Variants in PCDH15 observed in about 807,000 individuals in gnomAD.
PCDH15 encodes protocadherin related 15.
A neutral mutation model predicts 178.5 loss-of-function variants in PCDH15; 129 were observed. That is an observed-to-expected ratio of 0.72 (90% CI 0.63 to 0.84). PCDH15 has a LOEUF of 0.84. PCDH15 is among the 40% of genes least tolerant of loss of function. The pLI, the probability that PCDH15 is intolerant of heterozygous loss-of-function variation, is 0.00. For missense variants in PCDH15, 2,230 were observed against 2,099.9 expected (o/e 1.06, Z -1.21); for synonymous variants, 800 against 732.0 (o/e 1.09, Z -1.50).
intron 2 of PCDH15, among the ~76,000 whole-genome samples, chr10:55,443,478 G>T (rs764559706): frequency 1.3e-5 from 2 of 152,156 alleles, no homozygotes; most frequent in Non-Finnish European, 2.9e-5. Context: ...CAAAGGTTAT[G>T]AACAGACACT....
chr10:55,428,714 T>G (rs1838815347), intron 2 of PCDH15, among the ~76,000 whole-genome samples: 1 of 151,912 alleles, frequency 6.6e-6, no homozygotes, highest in Non-Finnish European at 1.5e-5. Context: ...TCATTTAAAT[T>G]TAGCATGATT....
At chr10:54,840,893 T>C (rs1953406590) in intron 3 of PCDH15, among the ~76,000 whole-genome samples, 1 of 151,778 alleles carries the variant, frequency 6.6e-6, no homozygotes, top group East Asian at 1.9e-4. Flanking sequence ...ATTGTAAATA[T>C]ATATGCACCC....
At chr10:55,557,278 AT>A (rs1842110149) in intron 2 of PCDH15, among the ~76,000 whole-genome samples, 1 of 152,162 alleles carries the variant, frequency 6.6e-6, no homozygotes, top group Admixed American at 6.6e-5. Flanking sequence ...TTCTTTTATC[AT>A]ATTTTCATAA....
chr10:54,068,579 C>A (rs768596258), intron 17 of PCDH15, among the ~76,000 whole-genome samples: 34 of 152,150 alleles, frequency 2.2e-4, no homozygotes, highest in Non-Finnish European at 4.0e-4. Context: ...ATTTCATGAA[C>A]CTAAGTTTCT....
chr10:53,981,283 A>T (rs988211177), intron 21 of PCDH15, among the ~76,000 whole-genome samples: 1 of 152,216 alleles, frequency 6.6e-6, no homozygotes, highest in African/African-American at 2.4e-5. Flanking sequence ...TGTTAAACAC[A>T]ATATGTTTCG....
Position 54,000,036 on chromosome 10 carries a change from C to A in PCDH15, c.2752-4271G>T, listed in dbSNP as rs532981245. ...TCTGGGAGAGAGCAAGGGAAAAGAA[C>A]AGGAGTTTCTGCCTGGTAATTAAGG... On this transcript the variant is annotated intron_variant, in intron 20 of 37. Coordinates refer to ENST00000644397, the MANE Select transcript of PCDH15 (RefSeq NM_001384140.1). Among the ~76,000 whole-genome samples the A allele has an allele frequency of 8.5e-5, 13 of 152,232 alleles. 1 individual carries two copies. The highest frequency in any genetic ancestry group is 6.2e-4 in the South Asian group (3 of 4,824).
intron 1 of PCDH15, among the ~76,000 whole-genome samples, chr10:54,732,728 TG>T (rs1943579333): frequency 1.3e-5 from 2 of 151,510 alleles, no homozygotes; most frequent in African/African-American, 2.4e-5. Flanking sequence ...GACAAAAACA[TG>T]ATCAAGTAAA....
intron 1 of PCDH15, among the ~76,000 whole-genome samples, chr10:54,728,629 G>C (rs1942914587): frequency 1.3e-5 from 2 of 148,718 alleles, no homozygotes; most frequent in South Asian, 4.1e-4. Flanking sequence ...CATCCAAATA[G>C]AGAGGTATTC....
At chr10:54,617,827 G>A (rs931521935) in intron 2 of PCDH15, among the ~76,000 whole-genome samples, 9 of 150,758 alleles carry the variant, frequency 6.0e-5, no homozygotes, top group African/African-American at 2.0e-4. Context: ...TTGGGAGGCT[G>A]AGGCAGAGAA....
At chr10:54,730,457 C>A (rs1943179732) in intron 1 of PCDH15, among the ~76,000 whole-genome samples, 1 of 151,340 alleles carries the variant, frequency 6.6e-6, no homozygotes, top group African/African-American at 2.4e-5. Context: ...TGCTCATTAC[C>A]CAAGTGATGA....
chr10:55,279,115 CTG>C (rs1226754010), intron 1 of PCDH15, among the ~76,000 whole-genome samples: 1 of 152,126 alleles, frequency 6.6e-6, no homozygotes, highest in African/African-American at 2.4e-5. Flanking sequence ...CCGTTTACAA[CTG>C]TGAAAATCTT....
chr10:54,062,257 A>AAAAAAAAAAAAAAAAAAAAAT (rs2094042936), intron 18 of PCDH15, among the ~76,000 whole-genome samples: 2 of 107,522 alleles, frequency 1.9e-5, no homozygotes, highest in Non-Finnish European at 4.1e-5. Flanking sequence ...AAAAAACAAA[A>AAAAAAAAAAAAAAAAAAAAAT]AACAACTAAA....
chr10:55,250,121 T>C (rs899941983), intron 1 of PCDH15, among the ~76,000 whole-genome samples: 14 of 152,078 alleles, frequency 9.2e-5, no homozygotes, highest in Admixed American at 2.6e-4. Flanking sequence ...ATTAATGGTA[T>C]TTTAACTTAA....
intron 2 of PCDH15, among the ~76,000 whole-genome samples, chr10:55,063,644 A>T (rs1441387762): frequency 6.6e-6 from 1 of 152,138 alleles, no homozygotes; most frequent in Non-Finnish European, 1.5e-5. Flanking sequence ...TATTAAAATT[A>T]ATTGGCAGGT....
chr10:54,020,831 T>A (rs953168510), intron 19 of PCDH15, among the ~76,000 whole-genome samples: 1 of 152,084 alleles, frequency 6.6e-6, no homozygotes, highest in Non-Finnish European at 1.5e-5. Flanking sequence ...TGAACAAATA[T>A]TTTAAATAAA....
intron 37 of PCDH15, chr10:53,808,997 G>GTTCTTCTTGTGGCTCC: frequency 6.4e-7 from 1 of 1,569,338 alleles, no homozygotes; most frequent in Non-Finnish European, 8.7e-7. Context: ...GGTTCTTTTT[G>GTTCTTCTTGTGGCTCC]TTCTTCTTGT....
chr10:54,068,842 C>A (rs1393455455), intron 17 of PCDH15, among the ~76,000 whole-genome samples: 1 of 151,980 alleles, frequency 6.6e-6, no homozygotes, highest in Non-Finnish European at 1.5e-5. Context: ...GTGCATTAGT[C>A]TGTGTGTTAT....
intron 2 of PCDH15, among the ~76,000 whole-genome samples, chr10:54,584,170 C>T (rs1200766613): frequency 6.6e-6 from 1 of 151,956 alleles, no homozygotes; most frequent in East Asian, 1.9e-4. Flanking sequence ...ATGACTTGAG[C>T]TCAGGAATTT....
intron 25 of PCDH15, among the ~76,000 whole-genome samples, chr10:53,927,528 T>C (rs2084670433): frequency 6.6e-6 from 1 of 152,128 alleles, no homozygotes; most frequent in Non-Finnish European, 1.5e-5. Context: ...AATATATGGT[T>C]AATTATAATG....
Sources: allele counts gnomAD v4.1 joint callset (sites outside exome capture counted in the v4.1 genomes callset), GRCh38; gene constraint gnomAD v4.1.1; transcripts MANE v1.5; gene names NCBI Gene and HGNC (gene_info 2026-07-23, HGNC 2026-07-21).